Variants in MLH3 observed in about 807,000 individuals in gnomAD.
MLH3 encodes mutL homolog 3.
Under a neutral mutation model 122.2 loss-of-function variants are expected in MLH3, and 82 were observed. The ratio of observed to expected loss-of-function variants is 0.67; its 90% CI spans 0.56 to 0.81. The LOEUF is 0.81. Among genes scored for constraint, MLH3 ranks in the 30% least tolerant of loss-of-function variants. The probability of loss-of-function intolerance (pLI) is 0.00; values close to 1 mark genes in which losing one functional copy is unlikely to be tolerated. For missense variants in MLH3, 1,539 were observed against 1,714.5 expected (o/e 0.90, Z 1.81); for synonymous variants, 524 against 599.5 (o/e 0.87, Z 1.84).
In MLH3 at chr14:75,030,650, T is replaced by C. The variant is rs1386608856; in HGVS notation, c.3880A>G (p.Thr1294Ala). The change falls in exon 9 of 13, where the codon ACT becomes GCT. Residue 1294 changes from threonine (T) to alanine (A), a missense_variant. Coordinates refer to ENST00000355774, the MANE Select transcript of MLH3 (RefSeq NM_001040108.2). ...CCCACAAGGACCAGAGAATCACTAGTGTCTGGAAATACAAATTCAAGGCCC... is the reference window on the plus strand; with the variant it reads ...CCCACAAGGACCAGAGAATCACTAGCGTCTGGAAATACAAATTCAAGGCCC... ...DLGLEFVFPDTSDSLVLVGKV... is the reference protein window; with the variant it reads ...DLGLEFVFPDASDSLVLVGKV... 12 of 1,613,886 alleles carry C rather than the reference T, an allele frequency of 7.4e-6. No individual in the cohort carries two copies. The highest frequency in any genetic ancestry group is 4.5e-5 in the East Asian group (2 of 44,882).
chr14:75,023,227 C>CTG, intron 9 of MLH3, among the ~76,000 whole-genome samples: 1 of 152,156 alleles, frequency 6.6e-6, no homozygotes, highest in East Asian at 1.9e-4. Context: ...TTATTGAACA[C>CTG]AGAATATATT....
chr14:75,017,340 C>T, intron 12 of MLH3, 139 bp from the exon 13 acceptor site: 1 of 798,126 alleles, frequency 1.3e-6, no homozygotes, highest in Non-Finnish European at 2.1e-6. Context: ...AGTTTGAGAC[C>T]AGCCTGGCCA....
intron 11 of MLH3, among the ~76,000 whole-genome samples, chr14:75,022,370 A>G (rs375349295): frequency 4.6e-5 from 7 of 152,204 alleles, no homozygotes; most frequent in East Asian, 3.8e-4. Flanking sequence ...TTCTGTATCA[A>G]ATCCAAAGGT....
Position 75,015,698 on chromosome 14 carries a change from C to T in MLH3, c.*1384G>A, listed in dbSNP as rs1889846209. ...ACAGTAGGGCCTGTTCTTCAGGATTCCAATTACGTAAATCTACAAGGATCC... is the reference window on the plus strand; with the variant it reads ...ACAGTAGGGCCTGTTCTTCAGGATTTCAATTACGTAAATCTACAAGGATCC... On this transcript the variant is annotated 3_prime_UTR_variant, in exon 13 of 13. Coordinates refer to ENST00000355774, the MANE Select transcript of MLH3 (RefSeq NM_001040108.2). 1 of 216,102 alleles carries T rather than the reference C, an allele frequency of 4.6e-6. No homozygotes were observed. Among genetic ancestry groups the T allele is most frequent in the African/African-American group, 2.3e-5 (1 of 44,270 alleles). The allele number at this position is 216,102 out of a possible 1,614,324, so 13.4% of individuals were successfully genotyped here.
Position 75,048,821 on chromosome 14 carries a change from ATATAATACTTTCTTTCCT to A in MLH3, c.817_834del (p.Arg273_Ile278del). ...CTGGTGGGACCATTCTTTGGCTTGC[ATATAATACTTTCTTTCCT>A]TAATAAAAAGTCAATGAGTTTATGT... On this transcript the variant is annotated inframe_deletion, in exon 2 of 13. Coordinates refer to ENST00000355774, the MANE Select transcript of MLH3 (RefSeq NM_001040108.2). 6.2e-7 allele frequency: 1 copy of A among 1,614,186 alleles called. No homozygotes were observed. The highest frequency in any genetic ancestry group is 1.1e-5 in the South Asian group (1 of 91,074).
In MLH3 at chr14:75,033,412, T is replaced by A. The variant is rs1891180395; in HGVS notation, c.3715+7A>T. 1.2e-6 allele frequency: 2 copies of A among 1,613,760 alleles called. No homozygotes were observed. The highest frequency in any genetic ancestry group is 2.7e-5 in the African/African-American group (2 of 74,886). On this transcript the variant is annotated splice_region_variant and intron_variant, in intron 7 of 12. Transcript: ENST00000355774. ...CAAATTTTTTCTGGCTGCAAACAGA[T>A]CCTTACCAATGATAAGCTGCTCCAG...
rs1889893832 is a variant in MLH3, at chr14:75,016,500, A to G, written c.*582T>C. 5.3e-6 allele frequency: 1 copy of G among 187,822 alleles called. No homozygotes were observed. Among genetic ancestry groups the G allele is most frequent in the Non-Finnish European group, 1.1e-5 (1 of 88,914 alleles). 11.6% of individuals were successfully genotyped at this position (187,822 alleles called of 1,614,324 possible). A position where few individuals can be genotyped will look rare whatever the true frequency, so the allele number is the denominator to read the frequency against. ...CTTTTTATCAATAGTTTTTATCCCT[A>G]AAATAACTAAAGGCCTGATGAAAGA... On this transcript the variant is annotated 3_prime_UTR_variant, in exon 13 of 13. Coordinates refer to ENST00000355774, the MANE Select transcript of MLH3 (RefSeq NM_001040108.2).
chr14:75,022,912 T>C lies in MLH3; in HGVS notation c.4012-20A>G, dbSNP rs1441849115. The C allele has an allele frequency of 1.9e-6, 3 of 1,613,960 alleles. No homozygotes were observed. Among genetic ancestry groups the C allele is most frequent in the Non-Finnish European group, 2.5e-6 (3 of 1,179,950 alleles). ...GAGTAGCTAATGCATAAACACGTTA[T>C]TAACAGGAAAAGAAAACGGAACAAC... On this transcript the variant is annotated intron_variant, in intron 10 of 12. Coordinates refer to ENST00000355774, the MANE Select transcript of MLH3 (RefSeq NM_001040108.2).
chr14:75,041,671 A>G lies in MLH3; in HGVS notation c.3409T>C (p.Ser1137Pro). Residue 1137 changes from serine to proline, a missense_variant, in exon 4 of 13, where the codon TCG becomes CCG. Physicochemically the swap from Ser to Pro is moderately conservative, Grantham distance 74. Coordinates refer to ENST00000355774, the MANE Select transcript of MLH3 (RefSeq NM_001040108.2). ...DTVDDTVSSE[S>P]LQSLFSEWDN... ...CATTCTGAGAACAAAGACTGAAGCG[A>G]TTCGCTACTAACAGTATCATCCACA... 6.2e-7 allele frequency: 1 copy of G among 1,614,118 alleles called. No individual in the cohort carries two copies. The highest frequency in any genetic ancestry group is 1.1e-5 in the South Asian group (1 of 91,082).
chr14:75,047,186 T>C lies in MLH3; in HGVS notation c.2470A>G (p.Ile824Val). 1 of 1,614,152 alleles carries C rather than the reference T, an allele frequency of 6.2e-7. No homozygotes were observed. The highest frequency in any genetic ancestry group is 8.5e-7 in the Non-Finnish European group (1 of 1,179,982). ...AATGGAAACTTCTCTGAGTTAAGGA[T>C]GTGGCTTGCTGGTTGACAACTACTA... ...SDSSCQPASHILNSEKFPFSK... is the reference protein window; with the variant it reads ...SDSSCQPASHVLNSEKFPFSK... Residue 824 changes from isoleucine (I) to valine (V), a missense_variant, in exon 2 of 13, where the codon ATC becomes GTC. Transcript: ENST00000355774.
chr14:75,042,311 C>G, intron 3 of MLH3, 68 bp downstream of exon 3: 1 of 1,357,936 alleles, frequency 7.4e-7, no homozygotes, highest in Non-Finnish European at 1.1e-6. Context: ...TAATGCAAGC[C>G]TGCTTTGTTT....
At position 75,049,400 on chromosome 14, in the gene MLH3, T is replaced by G. The variant is rs1892510907; in HGVS notation, c.256A>C (p.Asn86His). 6.2e-7 allele frequency: 1 copy of G among 1,613,914 alleles called. No individual in the cohort carries two copies. ...SKCHSVQDLE[N>H]PRFYGFRGEA... ...CCTCGGAAACCATAAAACCTTGGAT[T>G]CTCCAAGTCCTGTACCGAGTGGCAT... The change falls in exon 2 of 13, where the codon AAT becomes CAT. Residue 86 changes from asparagine to histidine, a missense_variant. Asn to His is a moderately conservative substitution (Grantham distance 68, BLOSUM62 1). Coordinates refer to ENST00000355774, the MANE Select transcript of MLH3 (RefSeq NM_001040108.2).
At position 75,042,440 on chromosome 14, in the gene MLH3, A is replaced by C. The variant is rs1891921604; in HGVS notation, c.3318T>G (p.Leu1106=). The change falls in exon 3 of 13, where the codon CTT becomes CTG. Residue 1106 remains leucine (L), a synonymous_variant. Coordinates refer to ENST00000355774, the MANE Select transcript of MLH3 (RefSeq NM_001040108.2). ...GAGCTCTCGGAAGGAAAGGAAGAAC[A>C]AGGTCGCTTCTAAAAGGTTGACACC... is the stretch of plus-strand genomic sequence containing the variant. ...QYRCQPFRSD[L]VLPFLPRARA... 1.2e-6 allele frequency: 2 copies of C among 1,614,108 alleles called. No homozygotes were observed. Among genetic ancestry groups the C allele is most frequent in the Non-Finnish European group, 1.7e-6 (2 of 1,180,034 alleles).
At chr14:75,032,870 G>A (rs1891144592) in intron 7 of MLH3, among the ~76,000 whole-genome samples, 1 of 146,438 alleles carries the variant, frequency 6.8e-6, no homozygotes, top group Non-Finnish European at 1.5e-5. Flanking sequence ...GCTTTGGAAA[G>A]ATAGATTTAA....
At chr14:75,043,089 A>G (rs546228329) in intron 2 of MLH3, among the ~76,000 whole-genome samples, 12 of 152,084 alleles carry the variant, frequency 7.9e-5, no homozygotes, top group Admixed American at 2.0e-4. Flanking sequence ...GACACTTTTC[A>G]TTGTCACAAC....
At chr14:75,036,665 C>T (rs556220563) in intron 6 of MLH3, 57 of 455,890 alleles carry the variant, frequency 1.3e-4, no homozygotes, top group African/African-American at 9.8e-4. Flanking sequence ...TCTTCTGGAG[C>T]ATTTCAAAGA....
At chr14:75,035,987 T>G (rs912387173) in intron 6 of MLH3, among the ~76,000 whole-genome samples, 1 of 152,220 alleles carries the variant, frequency 6.6e-6, no homozygotes, top group East Asian at 1.9e-4. Context: ...CAGCTCTCAC[T>G]TGCTAAAATC....
At chr14:75,032,033 T>C (rs957369331) in intron 8 of MLH3, 35 bp downstream of exon 8, 4 of 1,203,856 alleles carry the variant, frequency 3.3e-6, no homozygotes, top group Non-Finnish European at 3.7e-6. Flanking sequence ...TGAGAATTGA[T>C]ACCATCAACA....
chr14:75,019,293 C>T (rs1336371203), intron 11 of MLH3, among the ~76,000 whole-genome samples: 1 of 151,580 alleles, frequency 6.6e-6, no homozygotes, highest in Non-Finnish European at 1.5e-5. Flanking sequence ...GCCTATAGTC[C>T]CAGCTACTTG....
Sources: allele counts gnomAD v4.1 joint callset (sites outside exome capture counted in the v4.1 genomes callset), GRCh38; gene constraint gnomAD v4.1.1; transcripts MANE v1.5; gene names NCBI Gene and HGNC (gene_info 2026-07-23, HGNC 2026-07-21).